SERPINE2: variants seen among roughly 807,000 people sequenced by gnomAD.
SERPINE2 encodes the protein serpin family E member 2.
SERPINE2 carries 14 observed loss-of-function variants against 36.3 expected under a neutral mutation model. The observed-to-expected ratio is 0.39, with a 90% CI of 0.25 to 0.60. SERPINE2 has a LOEUF of 0.60. SERPINE2 is among the 20% of genes least tolerant of loss of function. SERPINE2 has a pLI of 0.57. For missense variants in SERPINE2, 418 were observed against 499.6 expected (o/e 0.84, Z 1.56); for synonymous variants, 192 against 191.8 (o/e 1.00, Z -0.01).
intron 1 of SERPINE2, among the ~76,000 whole-genome samples, chr2:224,002,978 A>G (rs1691244934): frequency 6.6e-6 from 1 of 152,094 alleles, no homozygotes. Flanking sequence ...GCAATAAAGC[A>G]TTTTCAGAAA....
At chr2:224,038,677 G>T in intron 1 of SERPINE2, 1 of 669,836 alleles carries the variant, frequency 1.5e-6, no homozygotes, top group Non-Finnish European at 2.7e-6. Flanking sequence ...ATCCGGCGGC[G>T]CGCAGCCTAA....
Position 223,998,153 on chromosome 2 carries a change from C to T in SERPINE2, c.449G>A (p.Cys150Tyr). Residue 150 changes from cysteine (C) to tyrosine (Y), a missense_variant, in exon 3 of 9, where the codon TGT becomes TAT. Cys to Tyr is a radical substitution (Grantham distance 194). Coordinates refer to ENST00000409304, the MANE Select transcript of SERPINE2 (RefSeq NM_001136528.2). ...NVNFEDPASACDSINAWVKNE... is the reference protein window; with the variant it reads ...NVNFEDPASAYDSINAWVKNE... Reference sequence around the variant, plus strand: ...TTTAACCCATGCATTGATGGAATCACAGGCAGAGGCTGGATCCTCAAAGTT... The same window carrying T: ...TTTAACCCATGCATTGATGGAATCATAGGCAGAGGCTGGATCCTCAAAGTT... 4 of 1,614,208 alleles carry T rather than the reference C, an allele frequency of 2.5e-6. No individual in the cohort carries two copies. The highest frequency in any genetic ancestry group is 3.4e-6 in the Non-Finnish European group (4 of 1,180,038).
intron 1 of SERPINE2, chr2:224,031,576 A>T (rs982665533): frequency 4.7e-6 from 4 of 847,690 alleles, no homozygotes; most frequent in African/African-American, 1.8e-5. Context: ...ACCTAGCATC[A>T]GCCAATCACA....
chr2:224,021,622 G>A (rs1355051903), intron 1 of SERPINE2, among the ~76,000 whole-genome samples: 3 of 152,250 alleles, frequency 2.0e-5, no homozygotes, highest in Non-Finnish European at 4.4e-5. Flanking sequence ...ATTAGTAAGA[G>A]GAGGTGAAAA....
chr2:223,995,059 G>A (rs1208452231), intron 3 of SERPINE2, among the ~76,000 whole-genome samples: 1 of 152,198 alleles, frequency 6.6e-6, no homozygotes, highest in Non-Finnish European at 1.5e-5. Flanking sequence ...GGGAGAGAAG[G>A]CAGCAGGAGT....
At position 224,039,234 on chromosome 2, in the gene SERPINE2, G is replaced by A. The variant is rs935018215; in HGVS notation, c.-158C>T. On this transcript the variant is annotated 5_prime_UTR_variant, in exon 1 of 9. Transcript: ENST00000409304. This position sits in a 1 kb window ranked among gnomAD's most constrained non-coding sequence, Gnocchi z 5.2. ...CGGCGAGGAGGGTCACAGCCGGAAAGAGGCAGCGGTGGCGCCTGCAGACGC... is the reference window on the plus strand; with the variant it reads ...CGGCGAGGAGGGTCACAGCCGGAAAAAGGCAGCGGTGGCGCCTGCAGACGC... 17 of 150,964 alleles carry A rather than the reference G, an allele frequency of 1.1e-4. No individual in the cohort carries two copies. Among genetic ancestry groups the A allele is most frequent in the African/African-American group, 4.1e-4 (17 of 41,434 alleles). 9.4% of individuals were successfully genotyped at this position (150,964 alleles called of 1,614,324 possible).
intron 4 of SERPINE2, among the ~76,000 whole-genome samples, chr2:223,990,842 G>A (rs1690634236): frequency 6.6e-6 from 1 of 152,160 alleles, no homozygotes; most frequent in African/African-American, 2.4e-5. Flanking sequence ...GCTGGCCGTG[G>A]TGGTGCATGC....
intron 1 of SERPINE2, among the ~76,000 whole-genome samples, chr2:224,014,671 G>A (rs1159286315): frequency 7.2e-5 from 11 of 152,168 alleles, no homozygotes; most frequent in African/African-American, 2.7e-4. Context: ...ATATCCACCT[G>A]AATACAGAAG....
intron 8 of SERPINE2, among the ~76,000 whole-genome samples, 173 bp downstream of exon 8, chr2:223,977,371 C>A (rs891971925): frequency 6.6e-6 from 1 of 152,182 alleles, no homozygotes; most frequent in Non-Finnish European, 1.5e-5. Context: ...TCTGTAAACA[C>A]AGCCTTTATT....
rs549878978 is a variant in SERPINE2 at position 224,023,650 on chromosome 2, C to T, written c.-23+15449G>A. 5.3e-5 allele frequency among the ~76,000 whole-genome samples: 8 copies of T among 152,324 alleles called. No homozygotes were observed. In the South Asian group the frequency reaches 1.7e-3, roughly 32 times the overall value. ...AGAAATAAAACAGAGAACATCTTTC[C>T]TACCCTCCCTCCAAATATATCAAAG... On this transcript the variant is annotated intron_variant, in intron 1 of 8. Transcript: ENST00000409304.
intron 1 of SERPINE2, among the ~76,000 whole-genome samples, chr2:224,005,300 A>G (rs1202360422): frequency 6.6e-6 from 1 of 151,722 alleles, no homozygotes; most frequent in African/African-American, 2.4e-5. Context: ...GGTTTCTTGG[A>G]CTTGGGAAGT....
intron 1 of SERPINE2, among the ~76,000 whole-genome samples, chr2:224,005,384 C>CA (rs1240015899): frequency 6.6e-6 from 1 of 151,974 alleles, no homozygotes; most frequent in Non-Finnish European, 1.5e-5. Flanking sequence ...AACTTGGAAT[C>CA]AGAGCTATTT....
At chr2:224,022,333 A>AG (rs1491488789) in intron 1 of SERPINE2, among the ~76,000 whole-genome samples, 2 of 39,600 alleles carry the variant, frequency 5.1e-5, no homozygotes, top group African/African-American at 1.4e-4. Flanking sequence ...CCCTGTCTCA[A>AG]GAAAAAAAAA....
At chr2:224,023,578 C>G (rs1026896009) in intron 1 of SERPINE2, among the ~76,000 whole-genome samples, 3 of 152,180 alleles carry the variant, frequency 2.0e-5, no homozygotes, top group African/African-American at 7.2e-5. Flanking sequence ...TTTAAGTCTA[C>G]AGGTAGGTTC....
At chr2:224,001,212 C>T (rs1367592027) in intron 2 of SERPINE2, among the ~76,000 whole-genome samples, 1 of 152,188 alleles carries the variant, frequency 6.6e-6, no homozygotes. Flanking sequence ...CCACCACAAT[C>T]AAGACCCAGG....
intron 4 of SERPINE2, among the ~76,000 whole-genome samples, chr2:223,986,517 G>A (rs567998298): frequency 6.6e-6 from 1 of 151,826 alleles, no homozygotes; most frequent in Admixed American, 6.6e-5. Flanking sequence ...TTCCTAATGA[G>A]CTCTTTAATC....
At chr2:223,992,137 T>G (rs1256407641) in intron 3 of SERPINE2, 137 bp from the exon 4 acceptor site, 1 of 685,234 alleles carries the variant, frequency 1.5e-6, no homozygotes, top group Non-Finnish European at 2.5e-6. Flanking sequence ...CTTCTTAAAC[T>G]ACCCTTTTGT....
At chr2:224,035,069 A>C (rs1470389591) in intron 1 of SERPINE2, among the ~76,000 whole-genome samples, 1 of 151,976 alleles carries the variant, frequency 6.6e-6, no homozygotes. Context: ...GGACCCAAGA[A>C]GACTTGGATT....
At chr2:224,031,451 C>A in intron 1 of SERPINE2, 1 of 985,700 alleles carries the variant, frequency 1.0e-6, no homozygotes, top group Non-Finnish European at 1.2e-6. Flanking sequence ...ACGGTCCTCT[C>A]CACTCCCTTT....
Sources: allele counts gnomAD v4.1 joint callset (sites outside exome capture counted in the v4.1 genomes callset), GRCh38; gene constraint gnomAD v4.1.1; non-coding constraint Gnocchi (gnomAD v3.1); transcripts MANE v1.5; gene names NCBI Gene and HGNC (gene_info 2026-07-23, HGNC 2026-07-21).